The following DTNB variants were observed in gnomAD, a reference collection of about 807,000 sequenced individuals.
DTNB encodes dystrobrevin beta, also known as DTN-B.
DTNB carries 63 observed loss-of-function variants against 90.7 expected under a neutral mutation model. The observed-to-expected ratio is 0.69, with a 90% CI of 0.57 to 0.86. The LOEUF (loss-of-function observed/expected upper bound fraction) is 0.86, where lower values mean the gene tolerates loss of function less well. Ranked by LOEUF, DTNB falls within the 40% of genes least tolerant of loss-of-function variation. The pLI is 0.00. For missense variants in DTNB, 744 were observed against 807.1 expected, an observed-to-expected ratio of 0.92 and a Z score of 0.95; for synonymous variants, 277 against 286.7, an observed-to-expected ratio of 0.97 and a Z score of 0.34.
chr2:25,495,818 A>G (rs1252373326), intron 9 of DTNB, among the ~76,000 whole-genome samples: 1 of 152,374 alleles, frequency 6.6e-6, no homozygotes, highest in Admixed American at 6.5e-5. Flanking sequence ...ATCATGTTAC[A>G]TACCTACAAT....
At chr2:25,505,701 C>T (rs1189118260) in intron 9 of DTNB, among the ~76,000 whole-genome samples, 2 of 152,000 alleles carry the variant, frequency 1.3e-5, no homozygotes, top group Non-Finnish European at 2.9e-5. Flanking sequence ...CTCTTTCCTC[C>T]TACAACTACT....
intron 14 of DTNB, among the ~76,000 whole-genome samples, chr2:25,429,040 G>A (rs2052915974): frequency 6.6e-6 from 1 of 151,984 alleles, no homozygotes; most frequent in African/African-American, 2.4e-5. Flanking sequence ...CGAGACCTAC[G>A]CTGTCTATCA....
intron 12 of DTNB, among the ~76,000 whole-genome samples, chr2:25,443,605 G>A (rs2057919204): frequency 6.6e-6 from 1 of 152,216 alleles, no homozygotes; most frequent in Admixed American, 6.5e-5. Flanking sequence ...TCCAGGGGCA[G>A]CCTGCCCATC....
chr2:25,551,028 C>T (rs1300888148), intron 8 of DTNB, among the ~76,000 whole-genome samples: 1 of 152,204 alleles, frequency 6.6e-6, no homozygotes, highest in African/African-American at 2.4e-5. Context: ...ATGGAACTTC[C>T]ACACTGTCCC....
chr2:25,589,857 C>A (rs1380472748), intron 6 of DTNB, among the ~76,000 whole-genome samples: 4 of 152,202 alleles, frequency 2.6e-5, no homozygotes, highest in East Asian at 3.9e-4. Context: ...CTCGGCCTGG[C>A]AGGCTGCACT....
chr2:25,399,336 C>G (rs1404274409), intron 16 of DTNB: 1 of 143,476 alleles, frequency 7.0e-6, no homozygotes, highest in East Asian at 2.0e-4. Context: ...CAGGCGTGAG[C>G]CATCGCCCCT....
At chr2:25,560,285 C>T (rs2058057022) in intron 8 of DTNB, among the ~76,000 whole-genome samples, 2 of 152,204 alleles carry the variant, frequency 1.3e-5, no homozygotes. Flanking sequence ...GTCAATTTGA[C>T]TGGGCTATGA....
At chr2:25,531,728 A>G in intron 8 of DTNB, 131 bp from the exon 9 acceptor site, 1 of 1,260,492 alleles carries the variant, frequency 7.9e-7, no homozygotes, top group Non-Finnish European at 1.1e-6. Context: ...CATTACATCA[A>G]TATCATTGGG....
At chr2:25,443,456 G>T (rs527810195) in intron 12 of DTNB, among the ~76,000 whole-genome samples, 3 of 152,294 alleles carry the variant, frequency 2.0e-5, no homozygotes, top group African/African-American at 7.2e-5. Flanking sequence ...AAGGGATGCC[G>T]ACACAGTCAG....
At chr2:25,611,814 G>T (rs1559229641) in intron 4 of DTNB, among the ~76,000 whole-genome samples, 2 of 151,798 alleles carry the variant, frequency 1.3e-5, no homozygotes, top group Non-Finnish European at 2.9e-5. Context: ...TCTCTAAATA[G>T]AAAAATAATA....
At chr2:25,538,723 A>T (rs756420824) in intron 8 of DTNB, among the ~76,000 whole-genome samples, 15 of 152,204 alleles carry the variant, frequency 9.9e-5, no homozygotes, top group Admixed American at 2.6e-4. Flanking sequence ...AAGTGCTGGG[A>T]TTACAGGCAT....
chr2:25,582,393 G>A (rs376670576), intron 6 of DTNB, among the ~76,000 whole-genome samples: 7 of 152,094 alleles, frequency 4.6e-5, no homozygotes, highest in Non-Finnish European at 2.9e-5. Context: ...TCCAGTATAC[G>A]TAAATTGGAG....
At chr2:25,609,673 C>T (rs1027872681) in intron 4 of DTNB, among the ~76,000 whole-genome samples, 104 of 147,490 alleles carry the variant, frequency 7.1e-4, no homozygotes, top group African/African-American at 2.5e-3. Context: ...CACACACACA[C>T]ACACACACAC....
chr2:25,536,541 A>G (rs1199261777), intron 8 of DTNB, among the ~76,000 whole-genome samples: 12 of 152,126 alleles, frequency 7.9e-5, no homozygotes, highest in Admixed American at 7.2e-4. Flanking sequence ...GTCTCCACCA[A>G]AAACACAAAA....
At position 25,420,520 on chromosome 2, in the gene DTNB, A is replaced by ATCTATCTG. The variant is rs869201592; in HGVS notation, c.1555-986_1555-985insCAGATAGA. Among the ~76,000 whole-genome samples, 864 of 89,176 alleles carry ATCTATCTG rather than the reference A, an allele frequency of 9.7e-3. 8 individuals are homozygous for ATCTATCTG. The highest frequency in any genetic ancestry group is 0.023 in the African/African-American group (729 of 32,348). 58.5% of individuals were successfully genotyped at this position (89,176 alleles called of 152,430 possible). A position where few individuals can be genotyped will look rare whatever the true frequency, so the allele number is the denominator to read the frequency against. ...TATCTATCTATCTATCTATCTATCT[A>ATCTATCTG]TCTGTCTGTCTATCGACAGAGTTTC... is the stretch of plus-strand genomic sequence containing the variant. On this transcript the variant is annotated intron_variant, in intron 15 of 20. Transcript: ENST00000406818.
At chr2:25,489,130 C>A (rs1357405215) in intron 9 of DTNB, among the ~76,000 whole-genome samples, 1 of 152,162 alleles carries the variant, frequency 6.6e-6, no homozygotes, top group Non-Finnish European at 1.5e-5. Flanking sequence ...AGTTCCCTTG[C>A]GGCCAGACCA....
chr2:25,561,883 T>C (rs777650299), intron 8 of DTNB, among the ~76,000 whole-genome samples: 7 of 152,198 alleles, frequency 4.6e-5, no homozygotes, highest in African/African-American at 2.4e-5. Context: ...TATTCCTTTA[T>C]AGTAATGCAA....
Position 25,576,927 on chromosome 2 carries a change from T to C in DTNB, c.787A>G (p.Asn263Asp). Reference sequence around the variant, plus strand: ...AAGCAATTCTGGCAGAGCTGATAGTTGTGGCACTGCTGGCATCGGTACCGG... The same window carrying C: ...AAGCAATTCTGGCAGAGCTGATAGTCGTGGCACTGCTGGCATCGGTACCGG... ...GFRYRCQQCH[N>D]YQLCQNCFWR... The change falls in exon 8 of 21, where the codon AAC (asparagine) becomes GAC (aspartate). Residue 263 changes from asparagine (N) to aspartate (D), a missense_variant. Coordinates refer to ENST00000406818, the MANE Select transcript of DTNB (RefSeq NM_021907.5). 6.2e-7 allele frequency: 1 copy of C among 1,613,122 alleles called. No homozygotes were observed. The highest frequency in any genetic ancestry group is 8.5e-7 in the Non-Finnish European group (1 of 1,179,596).
chr2:25,609,709 A>G (rs184574011), intron 4 of DTNB, among the ~76,000 whole-genome samples: 1 of 129,452 alleles, frequency 7.7e-6, no homozygotes, highest in East Asian at 2.4e-4. Context: ...CACACACACA[A>G]AATTAAAAAT....
Sources: allele counts gnomAD v4.1 joint callset (sites outside exome capture counted in the v4.1 genomes callset), GRCh38; gene constraint gnomAD v4.1.1; transcripts MANE v1.5; gene names NCBI Gene and HGNC (gene_info 2026-07-23, HGNC 2026-07-21).